Variants in ZFR2 observed in about 807,000 individuals in gnomAD.
The protein encoded by ZFR2 is zinc finger RNA-binding protein 2.
A neutral mutation model predicts 105.7 loss-of-function variants in ZFR2; 104 were observed. The observed-to-expected ratio is 0.98, with a 90% CI of 0.84 to 1.16. ZFR2 has a LOEUF of 1.16. Ranked by LOEUF, ZFR2 falls within the 50% of genes most tolerant of loss-of-function variation. The probability of loss-of-function intolerance (pLI) is 0.00; values close to 1 mark genes in which losing one functional copy is unlikely to be tolerated. For missense variants in ZFR2, 1,425 were observed against 1,355.5 expected, an observed-to-expected ratio of 1.05 and a Z score of -0.80; for synonymous variants, 634 against 597.7, an observed-to-expected ratio of 1.06 and a Z score of -0.89.
chr19:3,816,243 C>CTT (rs58609703), intron 13 of ZFR2, among the ~76,000 whole-genome samples: 1,994 of 115,028 alleles, frequency 0.017, 44 homozygotes, highest in East Asian at 0.029. Flanking sequence ...CTTCTTGTAT[C>CTT]TTTTTTTTTT....
At position 3,834,225 on chromosome 19, in the gene ZFR2, A is replaced by T. The variant is rs1442351484; in HGVS notation, c.265-447T>A. Among the ~76,000 whole-genome samples, 1 of 152,106 alleles carries T rather than the reference A, an allele frequency of 6.6e-6. No homozygotes were observed. Among genetic ancestry groups the T allele is most frequent in the Non-Finnish European group, 1.5e-5 (1 of 68,022 alleles). ...GCGGGTGGCAGAGCTGGGAAATTGG[A>T]GCATGGTCACGGGGGACATCTTTGC... is the stretch of plus-strand genomic sequence containing the variant. On this transcript the variant is annotated intron_variant, in intron 2 of 18. Transcript: ENST00000262961. This position sits in a 1 kb window ranked among gnomAD's most constrained non-coding sequence, Gnocchi z 5.3.
intron 10 of ZFR2, 77 bp from the exon 11 acceptor site, chr19:3,820,367 G>T: frequency 7.4e-7 from 1 of 1,347,932 alleles, no homozygotes; most frequent in African/African-American, 1.5e-5. Context: ...AAACACTGGG[G>T]CCTTATGCTC....
chr19:3,821,654 C>G (rs550394596), intron 9 of ZFR2, among the ~76,000 whole-genome samples, 175 bp from the exon 10 acceptor site: 1 of 132,240 alleles, frequency 7.6e-6, no homozygotes, highest in South Asian at 2.6e-4. Flanking sequence ...GCTCTTGTCT[C>G]CCAGGCTGGA....
chr19:3,822,070 G>A lies in ZFR2; in HGVS notation c.1491+11C>T, dbSNP rs753954659. On this transcript the variant is annotated intron_variant, in intron 9 of 18. Transcript: ENST00000262961. The stretch of plus-strand genomic sequence containing the variant: ...CCGGACGGGTGTCGGAGCTCCCCCT[G>A]CTGGACGCACCCGGTACTGCAGCCG... The A allele has an allele frequency of 1.9e-6, 3 of 1,590,298 alleles. No homozygotes were observed. The highest frequency in any genetic ancestry group is 1.7e-6 in the Non-Finnish European group (2 of 1,169,888).
intron 1 of ZFR2, among the ~76,000 whole-genome samples, chr19:3,868,155 T>G (rs1321013264): frequency 1.4e-5 from 2 of 140,352 alleles, no homozygotes; most frequent in Non-Finnish European, 3.1e-5. Context: ...GCTCTAGCTC[T>G]CCCCCTGTCC....
intron 1 of ZFR2, among the ~76,000 whole-genome samples, chr19:3,849,003 CAA>C (rs2038209486): frequency 6.6e-6 from 1 of 152,110 alleles, no homozygotes; most frequent in Middle Eastern, 3.2e-3. Context: ...CAAAACAAAA[CAA>C]AACAAAACAA....
chr19:3,854,104 A>AT (rs2038271455), intron 1 of ZFR2, among the ~76,000 whole-genome samples: 1 of 150,450 alleles, frequency 6.6e-6, no homozygotes, highest in Admixed American at 6.6e-5. Context: ...CTGTGCCCTG[A>AT]CACAGGCAGG....
chr19:3,811,507 T>G (rs539576766), intron 14 of ZFR2, 141 bp from the exon 15 acceptor site: 4 of 708,972 alleles, frequency 5.6e-6, no homozygotes, highest in South Asian at 1.8e-5. Flanking sequence ...CAGGCTGGAG[T>G]GCAGTGGCAT....
At position 3,806,005 on chromosome 19, in the gene ZFR2, C is replaced by A; in HGVS notation, c.2764G>T (p.Glu922Ter). Residue 922 changes from glutamate to a stop codon, truncating the protein, a stop_gained, in exon 19 of 19, where the codon GAG becomes TAG. Transcript: ENST00000262961. LOFTEE classifies it low-confidence loss of function (END_TRUNC). ...RKRQRGPGEG[E>*]EGAGEKKRGR... ...CGCTTCTTCTCCCCTGCGCCCTCCTCTCCCTCGCCAGGTCCCCGTTGCCTC... is the reference window on the plus strand; with the variant it reads ...CGCTTCTTCTCCCCTGCGCCCTCCTATCCCTCGCCAGGTCCCCGTTGCCTC... 6.5e-7 allele frequency: 1 copy of A among 1,546,878 alleles called. No individual in the cohort carries two copies. Among genetic ancestry groups the A allele is most frequent in the Non-Finnish European group, 8.7e-7 (1 of 1,148,008 alleles).
chr19:3,843,384 T>G (rs1269821703), intron 1 of ZFR2, among the ~76,000 whole-genome samples: 1 of 151,862 alleles, frequency 6.6e-6, no homozygotes, highest in Non-Finnish European at 1.5e-5. Context: ...GCTGGGAGGA[T>G]TGCTTGAACC....
chr19:3,868,803 G>C (rs1184445883), intron 1 of ZFR2, among the ~76,000 whole-genome samples, 162 bp downstream of exon 1: 1 of 152,074 alleles, frequency 6.6e-6, no homozygotes, highest in Non-Finnish European at 1.5e-5. Flanking sequence ...AGGCCGCCCC[G>C]CCTGCTTCTC....
intron 1 of ZFR2, among the ~76,000 whole-genome samples, chr19:3,865,037 C>T (rs756151166): frequency 3.9e-5 from 6 of 152,162 alleles, no homozygotes; most frequent in Non-Finnish European, 7.3e-5. Flanking sequence ...GTGTGAGCCA[C>T]CGTGCCCGGC....
rs768303153 is a variant in ZFR2 at position 3,827,466 on chromosome 19, C to T, written c.1035+5G>A. ...TGGCAGAGCCTGGGCCGGGCGGGGC[C>T]GTACCTTCTGGTGCTTGGATCCCCG... On this transcript the variant is annotated splice_donor_5th_base_variant and intron_variant, in intron 6 of 18. Transcript: ENST00000262961. 1.7e-4 allele frequency: 266 copies of T among 1,541,184 alleles called. No individual in the cohort carries two copies. The highest frequency in any genetic ancestry group is 3.7e-4 in the East Asian group (15 of 40,868).
At chr19:3,865,390 C>A (rs1042461939) in intron 1 of ZFR2, among the ~76,000 whole-genome samples, 2 of 152,050 alleles carry the variant, frequency 1.3e-5, no homozygotes, top group Admixed American at 1.3e-4. Context: ...TGCTCTGTTG[C>A]CCAGGCTGGA....
At position 3,816,758 on chromosome 19, in the gene ZFR2, G is replaced by A. The variant is rs749270640; in HGVS notation, c.2019C>T (p.Asn673=). The A allele has an allele frequency of 1.4e-5, 23 of 1,611,962 alleles. 1 individual carries two copies. The highest frequency in any genetic ancestry group is 8.0e-5 in the African/African-American group (6 of 74,930). Residue 673 remains asparagine, a synonymous_variant, in exon 13 of 19, where the codon AAC becomes AAT. Transcript: ENST00000262961. ...CGGAGCAGAGCAGAGCGAGGCGCAC[G>A]TTCCTGTCCCCACGCAGGAGGAGGC... is the stretch of plus-strand genomic sequence containing the variant. ...AKGLLLRGDR[N]VRLALLCSEK...
chr19:3,831,581 T>A, intron 4 of ZFR2, 25 bp from the exon 5 acceptor site: 3 of 1,545,106 alleles, frequency 1.9e-6, no homozygotes, highest in Non-Finnish European at 2.6e-6. Flanking sequence ...AAACAATGAG[T>A]CGGGGGGAGA....
rs1321952288 is a variant in ZFR2, at chr19:3,823,091, C to A, written c.1371+155G>T. Among the ~76,000 whole-genome samples the A allele has an allele frequency of 6.6e-6, 1 of 152,160 alleles. No individual in the cohort carries two copies. The highest frequency in any genetic ancestry group is 6.5e-5 in the Admixed American group (1 of 15,284). On this transcript the variant is annotated intron_variant, in intron 8 of 18. Transcript: ENST00000262961. The surrounding 1 kb of genome is among the most constrained non-coding windows in gnomAD (Gnocchi z 5.4). ...ACCCAAAGTGTCAAGCGGGTCTGCA[C>A]GGGGTTTTGGTCCATGGAGGTCTGG...
At position 3,819,160 on chromosome 19, in the gene ZFR2, C is replaced by T; in HGVS notation, c.1816G>A (p.Glu606Lys). The change falls in exon 12 of 19, where the codon GAG becomes AAG. Residue 606 changes from glutamate (E) to lysine (K), a missense_variant. Transcript: ENST00000262961. ...KHATIYPTEQ[E>K]LLAVQRAVSH... is the part of the protein sequence containing the mutation. ...ACGGCCCTCTGCACGGCCAGGAGCT[C>T]CTGCTCCGTGGGGTAGATGGTGGCG... 6.2e-7 allele frequency: 1 copy of T among 1,604,330 alleles called. No homozygotes were observed. The highest frequency in any genetic ancestry group is 8.5e-7 in the Non-Finnish European group (1 of 1,178,064).
At chr19:3,849,891 G>A (rs569323856) in intron 1 of ZFR2, among the ~76,000 whole-genome samples, 1 of 152,328 alleles carries the variant, frequency 6.6e-6, no homozygotes, top group South Asian at 2.1e-4. Flanking sequence ...CTGGCTGAGG[G>A]CAGGTCTCAG....
Sources: gnomAD v4.1 joint callset for allele counts (sites outside exome capture counted in the v4.1 genomes callset) on GRCh38, gnomAD v4.1.1 for gene constraint, Gnocchi (gnomAD v3.1) non-coding constraint, MANE v1.5 for transcripts, NCBI Gene and HGNC (gene_info 2026-07-23, HGNC 2026-07-21) for gene names.